The following LRRC1 variants were observed in gnomAD, a reference collection of about 807,000 sequenced individuals.
LRRC1 encodes the protein leucine rich repeat containing 1, also known as leucine-rich repeat-containing protein 1.
A neutral mutation model predicts 69.9 loss-of-function variants in LRRC1; 28 were observed. That is an observed-to-expected ratio of 0.40 (90% confidence interval 0.30 to 0.55). The LOEUF (loss-of-function observed/expected upper bound fraction) is 0.55, where lower values mean the gene tolerates loss of function less well. LRRC1 is among the 20% of genes least tolerant of loss of function. The pLI is 0.47. For synonymous variants in LRRC1, 236 were observed against 240.2 expected, an observed-to-expected ratio of 0.98 and a Z score of 0.16; for missense variants, 498 against 609.0, an observed-to-expected ratio of 0.82 and a Z score of 1.92.
At chr6:53,899,617 T>G in intron 7 of LRRC1, 130 bp from the exon 8 acceptor site, 1 of 820,832 alleles carries the variant, frequency 1.2e-6, no homozygotes, top group Non-Finnish European at 1.8e-6. Flanking sequence ...TGCCTTCACA[T>G]TTGGATTCAT....
chr6:53,800,743 G>T (rs554907131), intron 1 of LRRC1, among the ~76,000 whole-genome samples: 1 of 151,396 alleles, frequency 6.6e-6, no homozygotes, highest in Non-Finnish European at 1.5e-5. Context: ...GGGTTCAAGC[G>T]ATTCTCCTGT....
At chr6:53,807,261 C>G (rs1764659064) in intron 1 of LRRC1, among the ~76,000 whole-genome samples, 1 of 152,150 alleles carries the variant, frequency 6.6e-6, no homozygotes, top group African/African-American at 2.4e-5. Context: ...CTGCCGGATC[C>G]TGACAGACCC....
intron 10 of LRRC1, among the ~76,000 whole-genome samples, chr6:53,906,579 C>T (rs1305790675): frequency 3.3e-5 from 5 of 152,176 alleles, no homozygotes; most frequent in African/African-American, 9.7e-5. Flanking sequence ...ATTTCAGCAT[C>T]GGTCCTCTTT....
chr6:53,875,429 C>G (rs995403534), intron 2 of LRRC1, among the ~76,000 whole-genome samples: 1 of 151,756 alleles, frequency 6.6e-6, no homozygotes, highest in African/African-American at 2.4e-5. Flanking sequence ...GAAATATAAT[C>G]TATTTATACA....
At chr6:53,890,461 A>G (rs940762486) in intron 4 of LRRC1, among the ~76,000 whole-genome samples, 1 of 152,042 alleles carries the variant, frequency 6.6e-6, no homozygotes, top group Non-Finnish European at 1.5e-5. Context: ...TGGTGACCTT[A>G]ATTTTGAGTG....
chr6:53,836,669 A>G (rs1765620943), intron 1 of LRRC1, among the ~76,000 whole-genome samples: 1 of 152,218 alleles, frequency 6.6e-6, no homozygotes. Context: ...TAAAACACAT[A>G]TATAGAAAAG....
At chr6:53,874,627 A>G (rs1767007396) in intron 2 of LRRC1, among the ~76,000 whole-genome samples, 1 of 152,180 alleles carries the variant, frequency 6.6e-6, no homozygotes, top group Admixed American at 6.5e-5. Context: ...TTGGAGCAAG[A>G]CATCCATTTT....
chr6:53,825,943 G>T (rs556330206), intron 1 of LRRC1, among the ~76,000 whole-genome samples: 7 of 151,722 alleles, frequency 4.6e-5, no homozygotes, highest in Admixed American at 3.3e-4. Context: ...TTGTTGGCTT[G>T]TTTTACCCAT....
At chr6:53,856,200 G>A (rs528050281) in intron 2 of LRRC1, among the ~76,000 whole-genome samples, 87 of 152,360 alleles carry the variant, frequency 5.7e-4, no homozygotes, top group Non-Finnish European at 1.1e-3. Flanking sequence ...GATAAGGGAC[G>A]TAGGGACAGG....
At chr6:53,872,802 G>C (rs1255377379) in intron 2 of LRRC1, among the ~76,000 whole-genome samples, 1 of 127,580 alleles carries the variant, frequency 7.8e-6, no homozygotes. Context: ...TGTCATTCAA[G>C]CCGGAGTTCA....
intron 2 of LRRC1, among the ~76,000 whole-genome samples, chr6:53,857,887 G>A (rs1232462512): frequency 6.6e-6 from 1 of 152,212 alleles, no homozygotes; most frequent in Non-Finnish European, 1.5e-5. Flanking sequence ...CCAGTTCTAA[G>A]GGATGTGAGC....
At chr6:53,818,639 T>C (rs1765022694) in intron 1 of LRRC1, among the ~76,000 whole-genome samples, 1 of 152,180 alleles carries the variant, frequency 6.6e-6, no homozygotes, top group Non-Finnish European at 1.5e-5. Context: ...GACTGGATGT[T>C]TATGTATAAT....
intron 2 of LRRC1, among the ~76,000 whole-genome samples, chr6:53,870,605 T>A (rs1766851108): frequency 6.6e-6 from 1 of 152,218 alleles, no homozygotes; most frequent in African/African-American, 2.4e-5. Flanking sequence ...GTTAGCATAT[T>A]TGTGACCTCA....
intron 2 of LRRC1, among the ~76,000 whole-genome samples, chr6:53,864,582 C>G (rs919904294): frequency 6.6e-6 from 1 of 152,126 alleles, no homozygotes; most frequent in African/African-American, 2.4e-5. Context: ...TTTAATGTTT[C>G]CAAGCCTGCT....
chr6:53,843,645 A>G (rs1765853693), intron 2 of LRRC1, among the ~76,000 whole-genome samples: 1 of 152,138 alleles, frequency 6.6e-6, no homozygotes, highest in East Asian at 1.9e-4. Context: ...TACTTAGATA[A>G]AGTGGATTTG....
intron 2 of LRRC1, among the ~76,000 whole-genome samples, chr6:53,872,712 G>T (rs1766929551): frequency 6.8e-6 from 1 of 147,302 alleles, no homozygotes. Context: ...TCTATAGATT[G>T]CTTTGGGTAG....
intron 4 of LRRC1, among the ~76,000 whole-genome samples, chr6:53,891,515 CTT>C (rs1402818309): frequency 6.8e-6 from 1 of 146,938 alleles, no homozygotes; most frequent in Non-Finnish European, 1.5e-5. Context: ...CGCTACCTTT[CTT>C]GTAAAAAAAA....
At chr6:53,844,505 T>C (rs1171934040) in intron 2 of LRRC1, among the ~76,000 whole-genome samples, 1 of 152,172 alleles carries the variant, frequency 6.6e-6, no homozygotes, top group African/African-American at 2.4e-5. Flanking sequence ...TTTCAAACAT[T>C]TGTAGCTAGA....
chr6:53,818,442 C>T (rs1363267685), intron 1 of LRRC1, among the ~76,000 whole-genome samples: 1 of 152,118 alleles, frequency 6.6e-6, no homozygotes, highest in African/African-American at 2.4e-5. Flanking sequence ...GAATGCCTGT[C>T]AATGAAATTG....
Sources: allele counts gnomAD v4.1 joint callset (sites outside exome capture counted in the v4.1 genomes callset), GRCh38; gene constraint gnomAD v4.1.1; transcripts MANE v1.5; gene names NCBI Gene and HGNC (gene_info 2026-07-23, HGNC 2026-07-21).